CYP24A1: variants seen among roughly 807,000 people sequenced by gnomAD.
CYP24A1 encodes the protein cytochrome P450 family 24 subfamily A member 1.
Under a neutral mutation model 62.4 loss-of-function variants are expected in CYP24A1, and 68 were observed. The observed-to-expected ratio is 1.09, with a 90% CI of 0.90 to 1.33. CYP24A1 has a LOEUF of 1.33. CYP24A1 is among the 40% of genes most tolerant of loss of function. CYP24A1 has a pLI of 0.00. For missense variants in CYP24A1, 787 were observed against 653.0 expected (o/e 1.21, Z -2.24); for synonymous variants, 267 against 253.0 (o/e 1.06, Z -0.52).
rs1305874705 is a variant in CYP24A1, at chr20:54,172,987, G to GCGCTCT, written c.365_370dup (p.Glu122_Ser123dup). The GCGCTCT allele has an allele frequency of 6.2e-7, 1 of 1,612,672 alleles. No individual in the cohort carries two copies. Among genetic ancestry groups the GCGCTCT allele is most frequent in the African/African-American group, 1.3e-5 (1 of 74,936 alleles). On this transcript the variant is annotated inframe_insertion, in exon 2 of 12. Transcript: ENST00000216862. ...TTTGATCTCCAGCCGCTGCGGGTAC[G>GCGCTCT]CGCTCTCGGTGCGGTACAGCGCTTC...
intron 7 of CYP24A1, among the ~76,000 whole-genome samples, chr20:54,162,365 T>C (rs1423486133): frequency 1.3e-5 from 2 of 151,374 alleles, no homozygotes; most frequent in African/African-American, 2.4e-5. Flanking sequence ...CAGAGAACTT[T>C]ACTGCTCCTG....
intron 7 of CYP24A1, among the ~76,000 whole-genome samples, chr20:54,161,548 A>G (rs2092650414): frequency 6.6e-6 from 1 of 151,964 alleles, no homozygotes; most frequent in Admixed American, 6.6e-5. Context: ...ATAGTTCCTG[A>G]ATTCCTTCAT....
At chr20:54,146,226 A>G in the CYP24A1 span, among the ~76,000 whole-genome samples, 1 of 152,220 alleles carries the variant, frequency 6.6e-6, no homozygotes, top group African/African-American at 2.4e-5. Context: ...TTACTTTTGC[A>G]CCATCCTACT....
the CYP24A1 span, among the ~76,000 whole-genome samples, chr20:54,145,349 T>A: frequency 6.6e-6 from 1 of 152,052 alleles, no homozygotes; most frequent in Non-Finnish European, 1.5e-5. Flanking sequence ...GAAGCATACT[T>A]GTTTTGTTCT....
At chr20:54,155,361 G>A (rs2092623800) in intron 11 of CYP24A1, among the ~76,000 whole-genome samples, 1 of 152,078 alleles carries the variant, frequency 6.6e-6, no homozygotes, top group Admixed American at 6.5e-5. Flanking sequence ...ATCCTAGAAG[G>A]TGCTGCTAAA....
intron 2 of CYP24A1, among the ~76,000 whole-genome samples, chr20:54,172,610 G>T (rs1015972208): frequency 4.6e-5 from 7 of 152,214 alleles, no homozygotes; most frequent in Non-Finnish European, 1.0e-4. Context: ...CTGCCCAAGA[G>T]TCTGAACACC....
the CYP24A1 span, among the ~76,000 whole-genome samples, chr20:54,145,782 G>A: frequency 1.3e-5 from 2 of 151,976 alleles, no homozygotes; most frequent in South Asian, 2.1e-4. Flanking sequence ...CATCACCTTC[G>A]ACATATTCTA....
chr20:54,145,319 A>G, the CYP24A1 span, among the ~76,000 whole-genome samples: 582 of 151,936 alleles, frequency 3.8e-3, 8 homozygotes, highest in African/African-American at 0.013. Flanking sequence ...AGTGTTGGAA[A>G]TCTTATTAAG....
chr20:54,168,448 C>T (rs1251314687), intron 4 of CYP24A1, among the ~76,000 whole-genome samples: 2 of 152,152 alleles, frequency 1.3e-5, no homozygotes, highest in African/African-American at 4.8e-5. Flanking sequence ...GCTCCCCTTC[C>T]TCCCAGCTTG....
At chr20:54,168,887 C>CTTCCTTCG in intron 4 of CYP24A1, among the ~76,000 whole-genome samples, 2 of 131,268 alleles carry the variant, frequency 1.5e-5, no homozygotes, top group Non-Finnish European at 3.2e-5. Context: ...TCCTTCCTTC[C>CTTCCTTCG]TTCCTTTCTC....
chr20:54,144,775 T>C, the CYP24A1 span, among the ~76,000 whole-genome samples: 1 of 151,582 alleles, frequency 6.6e-6, no homozygotes, highest in South Asian at 2.1e-4. Flanking sequence ...TGGTATACTT[T>C]TATAGGTGAG....
intron 4 of CYP24A1, among the ~76,000 whole-genome samples, chr20:54,166,734 TA>T (rs201626236): frequency 1.3e-5 from 2 of 151,580 alleles, no homozygotes; most frequent in East Asian, 1.9e-4. Context: ...CTTTTTTTTT[TA>T]AAAAAAGGAC....
At chr20:54,146,257 A>G in the CYP24A1 span, among the ~76,000 whole-genome samples, 3 of 152,216 alleles carry the variant, frequency 2.0e-5, no homozygotes, top group African/African-American at 7.2e-5. Context: ...TCTCCAGAAT[A>G]TATTGTATAT....
chr20:54,158,000 T>G lies in CYP24A1; in HGVS notation c.1236+86A>C, dbSNP rs979599452. The G allele has an allele frequency of 8.9e-6, 14 of 1,581,610 alleles. No homozygotes were observed. The East Asian group carries it at 9.0e-5, about 10-fold the overall frequency. On this transcript the variant is annotated intron_variant, in intron 9 of 11. Coordinates refer to ENST00000216862, the MANE Select transcript of CYP24A1 (RefSeq NM_000782.5). ...CATTCCCAAAATGAATATTTTCCAGTACAAAGTCTAGGGAGATCTGGTGAA... is the reference window on the plus strand; with the variant it reads ...CATTCCCAAAATGAATATTTTCCAGGACAAAGTCTAGGGAGATCTGGTGAA...
At chr20:54,159,214 T>C in intron 7 of CYP24A1, 91 bp from the exon 8 acceptor site, 1 of 979,046 alleles carries the variant, frequency 1.0e-6, no homozygotes, top group Non-Finnish European at 1.6e-6. Flanking sequence ...CACCACCTTA[T>C]TCTGCAAATG....
chr20:54,161,704 A>C (rs1345289335), intron 7 of CYP24A1, among the ~76,000 whole-genome samples: 1 of 152,136 alleles, frequency 6.6e-6, no homozygotes, highest in Non-Finnish European at 1.5e-5. Flanking sequence ...GTGACACTGT[A>C]CTTTGATCAC....
the CYP24A1 span, among the ~76,000 whole-genome samples, chr20:54,144,067 C>A: frequency 0.029 from 4,453 of 152,240 alleles, 112 homozygotes; most frequent in Non-Finnish European, 0.041. Context: ...CAGGCCTGTG[C>A]CAGCGCTGGC....
intron 3 of CYP24A1, among the ~76,000 whole-genome samples, chr20:54,170,533 G>A (rs188826684): frequency 6.6e-6 from 1 of 151,448 alleles, no homozygotes; most frequent in Non-Finnish European, 1.5e-5. Context: ...CCCGCATAGC[G>A]CATTTAAAAG....
Position 54,169,694 on chromosome 20 carries a change from A to G in CYP24A1, c.544-6T>C. ...CCCATAAAATCGGCCAAGACCTTCA[A>G]AGAAAACAACCGCAAAAGACACATT... is the stretch of plus-strand genomic sequence containing the variant. On this transcript the variant is annotated splice_polypyrimidine_tract_variant and splice_region_variant and intron_variant, in intron 3 of 11. Coordinates refer to ENST00000216862, the MANE Select transcript of CYP24A1 (RefSeq NM_000782.5). 6.2e-7 allele frequency: 1 copy of G among 1,614,088 alleles called. No homozygotes were observed. The highest frequency in any genetic ancestry group is 2.2e-5 in the East Asian group (1 of 44,892).
Sources: gnomAD v4.1 joint callset for allele counts (sites outside exome capture counted in the v4.1 genomes callset) on GRCh38, gnomAD v4.1.1 for gene constraint, MANE v1.5 for transcripts, NCBI Gene and HGNC (gene_info 2026-07-23, HGNC 2026-07-21) for gene names.